FRMPD1: variants seen among roughly 807,000 people sequenced by gnomAD.
FRMPD1 encodes FERM and PDZ domain containing 1.
FRMPD1 carries 76 observed loss-of-function variants against 117.8 expected under a neutral mutation model. The ratio of observed to expected loss-of-function variants is 0.65; its 90% confidence interval spans 0.54 to 0.78. FRMPD1 has a LOEUF of 0.78. Ranked by LOEUF, FRMPD1 falls within the 30% of genes least tolerant of loss-of-function variation. FRMPD1 has a pLI of 0.00. For synonymous variants in FRMPD1, 783 were observed against 770.4 expected (o/e 1.02, Z -0.27); for missense variants, 1,786 against 1,964.5 (o/e 0.91, Z 1.72).
intron 6 of FRMPD1, among the ~76,000 whole-genome samples, chr9:37,720,612 T>C (rs765500965): frequency 6.6e-6 from 1 of 151,650 alleles, no homozygotes. Flanking sequence ...GAGCTTGCAG[T>C]GAGCCGAGAT....
At chr9:37,633,402 T>G in the FRMPD1 span, among the ~76,000 whole-genome samples, 2 of 152,386 alleles carry the variant, frequency 1.3e-5, no homozygotes, top group Middle Eastern at 6.8e-3. Flanking sequence ...GTAACAATTT[T>G]CACTTTCACT....
the FRMPD1 span, among the ~76,000 whole-genome samples, chr9:37,640,567 C>T: frequency 6.7e-4 from 102 of 152,266 alleles, no homozygotes; most frequent in Middle Eastern, 6.8e-3. Flanking sequence ...AAGTATACTC[C>T]TAGGCTTCCT....
At position 37,729,737 on chromosome 9, in the gene FRMPD1, C is replaced by T; in HGVS notation, c.622C>T (p.Leu208Phe). The T allele has an allele frequency of 6.2e-7, 1 of 1,614,016 alleles. No homozygotes were observed. Among genetic ancestry groups the T allele is most frequent in the Non-Finnish European group, 8.5e-7 (1 of 1,179,938 alleles). The change falls in exon 8 of 16, where the codon CTC becomes TTC. Residue 208 changes from leucine to phenylalanine, a missense_variant. Transcript: ENST00000377765. ...EANTTVKDIILTVKEKLSIRS... is the reference protein window; with the variant it reads ...EANTTVKDIIFTVKEKLSIRS... The stretch of plus-strand genomic sequence containing the variant: ...TCTCTGTGCCTGCTAGGACATCATC[C>T]TCACCGTGAAGGAGAAGCTGTCCAT...
the FRMPD1 span, among the ~76,000 whole-genome samples, chr9:37,640,501 G>A: frequency 6.6e-6 from 1 of 152,186 alleles, no homozygotes; most frequent in African/African-American, 2.4e-5. Flanking sequence ...TTCATGGGAG[G>A]TGGCAGGAAT....
chr9:37,698,484 C>T (rs1374727262), intron 2 of FRMPD1, among the ~76,000 whole-genome samples: 5 of 149,206 alleles, frequency 3.4e-5, no homozygotes, highest in Non-Finnish European at 1.5e-5. Flanking sequence ...ATTGATGTAA[C>T]TGCCTACTTT....
rs764862793 is a variant in FRMPD1 at position 37,733,454 on chromosome 9, C to A, written c.996-19C>A. 1 of 1,608,890 alleles carries A rather than the reference C, an allele frequency of 6.2e-7. No individual in the cohort carries two copies. The highest frequency in any genetic ancestry group is 8.5e-7 in the Non-Finnish European group (1 of 1,178,130). ...ACCCTGTAGAAATGGGCCTCCTTGT[C>A]TCCAATGTCTCATGGCAGGAAAGAC... On this transcript the variant is annotated intron_variant, in intron 10 of 15. Transcript: ENST00000377765.
the FRMPD1 span, among the ~76,000 whole-genome samples, chr9:37,612,782 G>A: frequency 1.4e-4 from 21 of 152,280 alleles, no homozygotes; most frequent in African/African-American, 3.4e-4. Flanking sequence ...ATGAGCCACC[G>A]TGCCCAGCCT....
chr9:37,667,811 A>G (rs930173284), intron 1 of FRMPD1, among the ~76,000 whole-genome samples: 4 of 152,114 alleles, frequency 2.6e-5, no homozygotes, highest in South Asian at 2.1e-4. Context: ...TTCTTTGTCC[A>G]TGAGCCGGCA....
chr9:37,723,618 G>A (rs1170560700), intron 6 of FRMPD1, among the ~76,000 whole-genome samples: 2 of 152,224 alleles, frequency 1.3e-5, no homozygotes, highest in Non-Finnish European at 2.9e-5. Flanking sequence ...AGTATTTTGG[G>A]AGGCCAAGTC....
At chr9:37,709,891 C>A (rs184372180) in intron 4 of FRMPD1, among the ~76,000 whole-genome samples, 1 of 152,188 alleles carries the variant, frequency 6.6e-6, no homozygotes, top group East Asian at 1.9e-4. Context: ...CCTGGAAGGG[C>A]GAGCAGTTGA....
chr9:37,692,803 T>C, intron 2 of FRMPD1, 61 bp downstream of exon 2: 1 of 1,186,968 alleles, frequency 8.4e-7, no homozygotes, highest in Non-Finnish European at 1.3e-6. Context: ...GGGGAGGAGC[T>C]TGTGCTGGTC....
At chr9:37,717,052 A>G (rs1203601794) in intron 5 of FRMPD1, among the ~76,000 whole-genome samples, 1 of 152,144 alleles carries the variant, frequency 6.6e-6, no homozygotes, top group Non-Finnish European at 1.5e-5. Flanking sequence ...TTATGAATCC[A>G]CCTAATGGCA....
rs532289921 is a variant in FRMPD1, at chr9:37,694,822, TTCTTCTTTTGCTTA to T, written c.101+2097_101+2110del. 5.3e-3 allele frequency among the ~76,000 whole-genome samples: 810 copies of T among 152,326 alleles called. 8 individuals carry two copies. Among genetic ancestry groups the T allele is most frequent in the African/African-American group, 0.019 (781 of 41,560 alleles). The stretch of plus-strand genomic sequence containing the variant: ...ATATTATTTTACTTACCATAATGTG[TTCTTCTTTTGCTTA>T]TCTTCTTTTGCTTATCATACTGACA... On this transcript the variant is annotated intron_variant, in intron 2 of 15. Coordinates refer to ENST00000377765, the MANE Select transcript of FRMPD1 (RefSeq NM_014907.3).
chr9:37,637,343 T>C, the FRMPD1 span: 5 of 888,392 alleles, frequency 5.6e-6, no homozygotes, highest in South Asian at 5.3e-5. Flanking sequence ...CTGCTCCGCC[T>C]CCCGTTCCAA....
At chr9:37,729,956 A>T (rs1286043444) in intron 8 of FRMPD1, 103 bp downstream of exon 8, 5 of 1,230,758 alleles carry the variant, frequency 4.1e-6, no homozygotes, top group Non-Finnish European at 5.7e-6. Flanking sequence ...TGCAGGTTTG[A>T]TGCACTTTCT....
chr9:37,662,864 G>A (rs144698607), intron 1 of FRMPD1, among the ~76,000 whole-genome samples: 108 of 152,286 alleles, frequency 7.1e-4, no homozygotes, highest in Non-Finnish European at 1.1e-3. Context: ...AACAAGTACT[G>A]TTTGTGTGCC....
intron 3 of FRMPD1, among the ~76,000 whole-genome samples, chr9:37,707,776 A>C (rs755680750): frequency 2.6e-5 from 4 of 152,188 alleles, no homozygotes; most frequent in Non-Finnish European, 5.9e-5. Flanking sequence ...TGCCGCTCCA[A>C]ACCCCAGGCT....
intron 1 of FRMPD1, among the ~76,000 whole-genome samples, chr9:37,679,382 T>A (rs1821643411): frequency 6.6e-6 from 1 of 152,278 alleles, no homozygotes; most frequent in Admixed American, 6.5e-5. Context: ...ATATAATTCA[T>A]ATACCATGCA....
At position 37,688,105 on chromosome 9, in the gene FRMPD1, A is replaced by G. The variant is rs926396161; in HGVS notation, c.-4-4533A>G. Among the ~76,000 whole-genome samples, 5 of 151,954 alleles carry G rather than the reference A, an allele frequency of 3.3e-5. No homozygotes were observed. In the East Asian group the frequency reaches 5.8e-4, roughly 18 times the overall value. On this transcript the variant is annotated intron_variant, in intron 1 of 15. Coordinates refer to ENST00000377765, the MANE Select transcript of FRMPD1 (RefSeq NM_014907.3). ...GGATGCTTATTTTATGTAATTTTCA[A>G]TGTGATGGATTTATGTGTGATATTT...
Sources: allele counts gnomAD v4.1 joint callset (sites outside exome capture counted in the v4.1 genomes callset), GRCh38; gene constraint gnomAD v4.1.1; transcripts MANE v1.5; gene names NCBI Gene and HGNC (gene_info 2026-07-23, HGNC 2026-07-21).